SEC14L2: variants seen among roughly 807,000 people sequenced by gnomAD.
SEC14L2 encodes the protein SEC14-like protein 2.
In SEC14L2, 50 loss-of-function variants were observed where a neutral mutation model predicts 56.9. The observed-to-expected ratio is 0.88, with a 90% CI of 0.70 to 1.11. SEC14L2 has a LOEUF of 1.11. SEC14L2 is among the 50% of genes most tolerant of loss of function. The pLI is 0.00. For missense variants in SEC14L2, 414 were observed against 500.7 expected, an observed-to-expected ratio of 0.83 and a Z score of 1.65; for synonymous variants, 179 against 188.5, an observed-to-expected ratio of 0.95 and a Z score of 0.41.
chr22:30,411,483 T>G (rs948531433), intron 8 of SEC14L2, among the ~76,000 whole-genome samples: 1 of 152,012 alleles, frequency 6.6e-6, no homozygotes, highest in African/African-American at 2.4e-5. Context: ...CGGTGGCTCA[T>G]GCCTGTAATC....
chr22:30,417,282 G>C (rs1934412479), intron 11 of SEC14L2, among the ~76,000 whole-genome samples: 1 of 152,154 alleles, frequency 6.6e-6, no homozygotes, highest in Non-Finnish European at 1.5e-5. Flanking sequence ...GTTATCTCTG[G>C]GATGATAGGA....
intron 5 of SEC14L2, 99 bp from the exon 6 acceptor site, chr22:30,409,088 T>C: frequency 1.9e-6 from 2 of 1,067,616 alleles, no homozygotes; most frequent in Non-Finnish European, 2.9e-6. Context: ...CTAGCTCTGA[T>C]TGCTCTCTGG....
intron 2 of SEC14L2, among the ~76,000 whole-genome samples, chr22:30,402,826 C>A (rs1933977409): frequency 1.3e-5 from 2 of 151,392 alleles, no homozygotes; most frequent in East Asian, 1.9e-4. Context: ...TGCCTGTAAT[C>A]CCAGCACTTT....
rs750661047 is a variant in SEC14L2 at position 30,416,363 on chromosome 22, C to A, written c.1041C>A (p.Val347=). ...LPNQRYNSHL[V]PEDGTLTCSD... is the part of the protein sequence containing the mutation. ...ACCAGAGGTACAACTCCCACCTGGT[C>A]CCTGAAGATGGGACCCTCACCTGCA... is the stretch of plus-strand genomic sequence containing the variant. The change falls in exon 11 of 12, where the codon GTC becomes GTA. Residue 347 remains valine (V), a synonymous_variant. Transcript: ENST00000615189. 13 of 1,614,206 alleles carry A rather than the reference C, an allele frequency of 8.1e-6. No homozygotes were observed. The highest frequency in any genetic ancestry group is 6.7e-5 in the Admixed American group (4 of 60,020).
chr22:30,419,703 T>C (rs186311144), intron 11 of SEC14L2, among the ~76,000 whole-genome samples: 1 of 152,274 alleles, frequency 6.6e-6, no homozygotes, highest in East Asian at 1.9e-4. Flanking sequence ...AAATTCAAAA[T>C]ACAGAAATTC....
chr22:30,422,167 A>C, intron 11 of SEC14L2, 110 bp from the exon 12 acceptor site: 1 of 1,377,546 alleles, frequency 7.3e-7, no homozygotes, highest in Non-Finnish European at 1.0e-6. Context: ...CTTCATCCCC[A>C]TGACCTGCCA....
chr22:30,397,293 G>A, intron 1 of SEC14L2, 123 bp downstream of exon 1: 3 of 914,974 alleles, frequency 3.3e-6, no homozygotes, highest in Non-Finnish European at 4.7e-6. Context: ...AGGGAACAGA[G>A]GCGGCTGTCC....
intron 1 of SEC14L2, among the ~76,000 whole-genome samples, 174 bp downstream of exon 1, chr22:30,397,344 G>C (rs1190702859): frequency 6.6e-6 from 1 of 152,224 alleles, no homozygotes; most frequent in African/African-American, 2.4e-5. Context: ...TCCTCCCTTT[G>C]CCACCCTCGA....
In SEC14L2 at chr22:30,422,647, A is replaced by T. The variant is rs1479787250; in HGVS notation, c.*240A>T. On this transcript the variant is annotated 3_prime_UTR_variant, in exon 12 of 12. Coordinates refer to ENST00000615189, the MANE Select transcript of SEC14L2 (RefSeq NM_012429.5). ...TCGTGATAGGATCTGTCTGTCCTGTAAACTGTGCCAACTTCACCTGTCCAG... is the reference window on the plus strand; with the variant it reads ...TCGTGATAGGATCTGTCTGTCCTGTTAACTGTGCCAACTTCACCTGTCCAG... The T allele has an allele frequency of 2.3e-6, 1 of 441,678 alleles. No homozygotes were observed. The highest frequency in any genetic ancestry group is 2.0e-5 in the African/African-American group (1 of 50,326). The allele number at this position is 441,678 out of a possible 1,614,324, so 27.4% of individuals were successfully genotyped here.
rs957935570 is a variant in SEC14L2, at chr22:30,416,019, C to T, written c.843C>T (p.Ser281=). 1.4e-5 allele frequency: 22 copies of T among 1,614,122 alleles called. No homozygotes were observed. Among genetic ancestry groups the T allele is most frequent in the Admixed American group, 1.7e-5 (1 of 60,014 alleles). Residue 281 remains serine, a synonymous_variant, in exon 10 of 12, where the codon AGC becomes AGT. Transcript: ENST00000615189. The part of the protein sequence containing the change: ...RDQVKQQYEH[S]VQISRGSSHQ... ...AGGTGAAACAGCAGTATGAACACAGCGTGCAGATTTCCCGTGGCTCCTCCC... is the reference window on the plus strand; with the variant it reads ...AGGTGAAACAGCAGTATGAACACAGTGTGCAGATTTCCCGTGGCTCCTCCC...
Position 30,415,828 on chromosome 22 carries a change from T to C in SEC14L2, c.734T>C (p.Met245Thr), listed in dbSNP as rs769414330. ...DQVPVEYGGT[M>T]TDPDGNPKCK... Reference sequence around the variant, plus strand: ...GTGCCTGTGGAGTATGGGGGCACCATGACTGACCCTGATGGAAACCCCAAG... The same window carrying C: ...GTGCCTGTGGAGTATGGGGGCACCACGACTGACCCTGATGGAAACCCCAAG... Residue 245 changes from methionine (M) to threonine (T), a missense_variant, in exon 9 of 12, where the codon ATG becomes ACG. Physicochemically the swap from Met to Thr is moderately conservative, Grantham distance 81. Coordinates refer to ENST00000615189, the MANE Select transcript of SEC14L2 (RefSeq NM_012429.5). The C allele has an allele frequency of 6.8e-6, 11 of 1,614,186 alleles. No homozygotes were observed. In the South Asian group the frequency reaches 7.7e-5, roughly 11 times the overall value.
intron 8 of SEC14L2, among the ~76,000 whole-genome samples, chr22:30,411,337 T>C (rs575544441): frequency 2.0e-5 from 3 of 152,216 alleles, no homozygotes; most frequent in African/African-American, 4.8e-5. Flanking sequence ...GAGGGTGCCA[T>C]AGAAGTTGCA....
intron 8 of SEC14L2, among the ~76,000 whole-genome samples, chr22:30,415,158 G>A (rs1354414911): frequency 6.6e-6 from 1 of 152,176 alleles, no homozygotes; most frequent in Non-Finnish European, 1.5e-5. Flanking sequence ...TCGGCCGGGC[G>A]CAGTGGCTCA....
In SEC14L2 at chr22:30,399,529, A is replaced by G. The variant is rs1374400245; in HGVS notation, c.55-114A>G. ...ACTCTATCTCAAAAAAAAAAAAAAA[A>G]AAAAAAAAGAAACAAAGAAAGAGGC... On this transcript the variant is annotated intron_variant, in intron 1 of 11. Transcript: ENST00000615189. The G allele has an allele frequency of 2.4e-5, 13 of 552,846 alleles. 1 individual carries two copies. Among genetic ancestry groups the G allele is most frequent in the South Asian group, 1.7e-4 (6 of 35,660 alleles). 34.2% of individuals were successfully genotyped at this position (552,846 alleles called of 1,614,324 possible).
rs184707765 is a variant in SEC14L2 at position 30,425,055 on chromosome 22, T to C, written c.*2648T>C. 0.013 allele frequency: 4,208 copies of C among 313,164 alleles called. 37 individuals are homozygous for C. Among genetic ancestry groups the C allele is most frequent in the Non-Finnish European group, 0.019 (3,068 of 157,434 alleles). The allele number at this position is 313,164 out of a possible 1,614,324, so 19.4% of individuals were successfully genotyped here. A position where few individuals can be genotyped will look rare whatever the true frequency, so the allele number is the denominator to read the frequency against. ...CCCAGGGGCTCACCGTTCACTCCTC[T>C]AGCCTCATTTAGAGCTCGCATTAAG... On this transcript the variant is annotated 3_prime_UTR_variant, in exon 12 of 12. Transcript: ENST00000615189.
In SEC14L2 at chr22:30,425,137, A is replaced by G; in HGVS notation, c.*2730A>G. 1 of 211,084 alleles carries G rather than the reference A, an allele frequency of 4.7e-6. No homozygotes were observed. The highest frequency in any genetic ancestry group is 9.9e-6 in the Non-Finnish European group (1 of 100,880). The allele number at this position is 211,084 out of a possible 1,614,324, so 13.1% of individuals were successfully genotyped here. On this transcript the variant is annotated 3_prime_UTR_variant, in exon 12 of 12. Coordinates refer to ENST00000615189, the MANE Select transcript of SEC14L2 (RefSeq NM_012429.5). ...TCAAATCACAACTTCACCACTTAGCAGCTGTGTGTTCTGGGAAAATGACCC... is the reference window on the plus strand; with the variant it reads ...TCAAATCACAACTTCACCACTTAGCGGCTGTGTGTTCTGGGAAAATGACCC...
intron 2 of SEC14L2, chr22:30,400,516 T>C (rs1050576140): frequency 1.3e-5 from 2 of 152,196 alleles, no homozygotes. Context: ...GTGATTCAGG[T>C]CATGTGCCAC....
intron 1 of SEC14L2, 145 bp downstream of exon 1, chr22:30,397,315 G>T (rs1363237394): frequency 2.6e-6 from 2 of 756,216 alleles, no homozygotes; most frequent in Non-Finnish European, 4.0e-6. Context: ...AGCCTGGCCC[G>T]CGCCCGCGGA....
chr22:30,398,156 C>T (rs1245986986), intron 1 of SEC14L2, among the ~76,000 whole-genome samples: 1 of 152,214 alleles, frequency 6.6e-6, no homozygotes, highest in Non-Finnish European at 1.5e-5. Context: ...GGCTGGGCCT[C>T]CCCCATCCCA....
Sources: allele counts gnomAD v4.1 joint callset (sites outside exome capture counted in the v4.1 genomes callset), GRCh38; gene constraint gnomAD v4.1.1; transcripts MANE v1.5; gene names NCBI Gene and HGNC (gene_info 2026-07-23, HGNC 2026-07-21).